Variants in CTNNA3 observed in about 807,000 individuals in gnomAD.
CTNNA3 encodes the protein catenin alpha 3, also known as catenin alpha-3.
Under a neutral mutation model 95.7 loss-of-function variants are expected in CTNNA3, and 76 were observed. The observed-to-expected ratio is 0.79, with a 90% confidence interval of 0.66 to 0.96. The LOEUF (loss-of-function observed/expected upper bound fraction) is 0.96, where lower values mean the gene tolerates loss of function less well. CTNNA3 is among the 40% of genes least tolerant of loss of function. The pLI, the probability that CTNNA3 is intolerant of heterozygous loss-of-function variation, is 0.00. For missense variants in CTNNA3, 1,191 were observed against 1,089.8 expected (o/e 1.09, Z -1.31); for synonymous variants, 431 against 374.4 (o/e 1.15, Z -1.74).
At position 66,619,666 on chromosome 10, in the gene CTNNA3, A is replaced by G. The variant is rs374421320; in HGVS notation, c.1374+2026T>C. On this transcript the variant is annotated intron_variant, in intron 10 of 17. Coordinates refer to ENST00000433211, the MANE Select transcript of CTNNA3 (RefSeq NM_013266.4). ...AGCATGGCACATTTATACATATGTA[A>G]CTAACCTGCACATTGTGCACATGTA... 2.8e-4 allele frequency among the ~76,000 whole-genome samples: 42 copies of G among 150,668 alleles called. No individual in the cohort carries two copies. In the East Asian group the frequency reaches 7.9e-3, roughly 28 times the overall value.
At chr10:66,471,833 T>G (rs994272002) in intron 11 of CTNNA3, among the ~76,000 whole-genome samples, 11 of 151,942 alleles carry the variant, frequency 7.2e-5, no homozygotes, top group African/African-American at 2.7e-4. Flanking sequence ...CTGATTATAC[T>G]CAAGATTGCT....
intron 13 of CTNNA3, among the ~76,000 whole-genome samples, chr10:66,273,833 G>A (rs1466380983): frequency 6.6e-6 from 1 of 151,880 alleles, no homozygotes. Flanking sequence ...TGGATGAATG[G>A]CAAGCCATGA....
At chr10:67,491,210 CAGAT>C (rs1424771556) in intron 5 of CTNNA3, among the ~76,000 whole-genome samples, 1 of 152,108 alleles carries the variant, frequency 6.6e-6, no homozygotes, top group African/African-American at 2.4e-5. Context: ...AAATTACAGA[CAGAT>C]ATAGATAGAA....
rs902667017 is a variant in CTNNA3 at position 67,204,771 on chromosome 10, G to A, written c.843+14836C>T. On this transcript the variant is annotated intron_variant, in intron 6 of 17. Coordinates refer to ENST00000433211, the MANE Select transcript of CTNNA3 (RefSeq NM_013266.4). ...ACAAGGTCAGCTATGCCATGTGAGA[G>A]ATGGAGTTATTACCAAATTAATCTC... Among the ~76,000 whole-genome samples the A allele has an allele frequency of 4.6e-5, 7 of 152,296 alleles. No homozygotes were observed. The East Asian group carries it at 5.8e-4, about 13-fold the overall frequency.
intron 7 of CTNNA3, among the ~76,000 whole-genome samples, chr10:66,781,043 C>T (rs1400891484): frequency 1.3e-5 from 2 of 152,012 alleles, no homozygotes; most frequent in Admixed American, 6.6e-5. Context: ...TAAAAGGAGA[C>T]GTTTGAAATA....
chr10:66,263,351 C>T (rs564380556), intron 13 of CTNNA3, among the ~76,000 whole-genome samples: 1 of 151,986 alleles, frequency 6.6e-6, no homozygotes, highest in African/African-American at 2.4e-5. Flanking sequence ...ATTTCAACAA[C>T]AACAAAAGAC....
At chr10:67,474,875 A>G (rs1204613942) in intron 5 of CTNNA3, among the ~76,000 whole-genome samples, 1 of 152,236 alleles carries the variant, frequency 6.6e-6, no homozygotes, top group Non-Finnish European at 1.5e-5. Context: ...GCAATTTCTT[A>G]TAAAGTTAAT....
chr10:65,937,451 A>T (rs1476366028), intron 17 of CTNNA3, among the ~76,000 whole-genome samples: 1 of 152,170 alleles, frequency 6.6e-6, no homozygotes, highest in Admixed American at 6.5e-5. Context: ...AATGAAAGTC[A>T]TGCTTCCATG....
At chr10:66,029,283 T>C (rs1230428780) in intron 15 of CTNNA3, among the ~76,000 whole-genome samples, 1 of 152,018 alleles carries the variant, frequency 6.6e-6, no homozygotes, top group Non-Finnish European at 1.5e-5. Flanking sequence ...ACCCCCGAAA[T>C]GCTCCCCTGA....
rs573568718 is a variant in CTNNA3 at position 66,348,360 on chromosome 10, A to G, written c.1732+30792T>C. Reference sequence around the variant, plus strand: ...CCGATTATTAGCTTAAATATAATCAATTCACATAATCCCACTGAGACTCCA... The same window carrying G: ...CCGATTATTAGCTTAAATATAATCAGTTCACATAATCCCACTGAGACTCCA... On this transcript the variant is annotated intron_variant, in intron 12 of 17. Transcript: ENST00000433211. Among the ~76,000 whole-genome samples the G allele has an allele frequency of 9.7e-4, 147 of 152,288 alleles. 2 individuals are homozygous for G. The highest frequency in any genetic ancestry group is 3.2e-3 in the African/African-American group (132 of 41,592).
chr10:66,383,200 A>G (rs996389865), intron 11 of CTNNA3, among the ~76,000 whole-genome samples: 3 of 152,194 alleles, frequency 2.0e-5, no homozygotes, highest in Admixed American at 1.3e-4. Flanking sequence ...AACCTTGAAA[A>G]AAGATTAGAT....
chr10:66,228,055 C>G (rs1323942610), intron 13 of CTNNA3, among the ~76,000 whole-genome samples: 1 of 151,990 alleles, frequency 6.6e-6, no homozygotes, highest in African/African-American at 2.4e-5. Flanking sequence ...GGTCATCTCT[C>G]TTTTTTCTTT....
chr10:67,127,733 T>C (rs919105294), intron 7 of CTNNA3, among the ~76,000 whole-genome samples: 5 of 152,178 alleles, frequency 3.3e-5, no homozygotes, highest in African/African-American at 1.2e-4. Context: ...CCTTAGGACC[T>C]AATCTCACCC....
intron 5 of CTNNA3, among the ~76,000 whole-genome samples, chr10:67,352,403 C>G (rs1842669299): frequency 6.6e-6 from 1 of 151,916 alleles, no homozygotes; most frequent in Admixed American, 6.6e-5. Flanking sequence ...TGAAATAATC[C>G]TCCAGGTGAT....
chr10:66,364,655 A>T (rs552413705), intron 12 of CTNNA3, among the ~76,000 whole-genome samples: 1 of 152,310 alleles, frequency 6.6e-6, no homozygotes, highest in Admixed American at 6.5e-5. Flanking sequence ...TAAACGTTTA[A>T]GTAAAATAAT....
chr10:66,204,720 T>A (rs185674167), intron 13 of CTNNA3, among the ~76,000 whole-genome samples: 159 of 152,286 alleles, frequency 1.0e-3, no homozygotes, highest in African/African-American at 3.6e-3. Flanking sequence ...GAATGTAGAA[T>A]GGAATTTATC....
intron 5 of CTNNA3, among the ~76,000 whole-genome samples, chr10:67,411,509 C>T (rs1283482988): frequency 6.6e-6 from 1 of 151,964 alleles, no homozygotes; most frequent in Non-Finnish European, 1.5e-5. Flanking sequence ...AGGATCTGTA[C>T]CCTGTTATAT....
intron 6 of CTNNA3, among the ~76,000 whole-genome samples, chr10:67,189,876 G>A (rs547446682): frequency 5.9e-5 from 9 of 151,940 alleles, no homozygotes; most frequent in Admixed American, 2.6e-4. Context: ...ACACTATGAC[G>A]GAATGATTAA....
chr10:66,736,070 A>ACTGCACAAC (rs1849126674), intron 9 of CTNNA3, among the ~76,000 whole-genome samples: 1 of 152,214 alleles, frequency 6.6e-6, no homozygotes, highest in African/African-American at 2.4e-5. Context: ...AGTGCAGTTG[A>ACTGCACAAC]GCCACAGCGC....
Sources: allele counts gnomAD v4.1 joint callset (sites outside exome capture counted in the v4.1 genomes callset), GRCh38; gene constraint gnomAD v4.1.1; transcripts MANE v1.5; gene names NCBI Gene and HGNC (gene_info 2026-07-23, HGNC 2026-07-21).